The following ZNF385D variants were observed in gnomAD, a reference collection of about 807,000 sequenced individuals.
ZNF385D encodes the protein zinc finger protein 385D, also known as zinc finger protein 659.
In ZNF385D, 15 loss-of-function variants were observed where a neutral mutation model predicts 35.8. The ratio of observed to expected loss-of-function variants is 0.42; its 90% CI spans 0.28 to 0.64. ZNF385D has a LOEUF of 0.64. Among genes scored for constraint, ZNF385D ranks in the 30% least tolerant of loss-of-function variants. ZNF385D has a pLI of 0.23. For missense variants in ZNF385D, 474 were observed against 494.6 expected, an observed-to-expected ratio of 0.96 and a Z score of 0.39; for synonymous variants, 212 against 186.8, an observed-to-expected ratio of 1.13 and a Z score of -1.10.
At chr3:21,766,535 T>C (rs1444751022) in intron 3 of ZNF385D, among the ~76,000 whole-genome samples, 1 of 152,108 alleles carries the variant, frequency 6.6e-6, no homozygotes, top group Non-Finnish European at 1.5e-5. Context: ...TGTCCTTTAT[T>C]TCAATTTCTG....
intron 1 of ZNF385D, among the ~76,000 whole-genome samples, chr3:21,737,241 T>C (rs1415460307): frequency 3.9e-5 from 6 of 152,234 alleles, no homozygotes; most frequent in African/African-American, 7.2e-5. Context: ...GATAGATACA[T>C]GTGTCCATGT....
intron 2 of ZNF385D, among the ~76,000 whole-genome samples, chr3:21,632,052 T>A (rs1321314742): frequency 2.0e-5 from 3 of 152,122 alleles, no homozygotes; most frequent in African/African-American, 7.2e-5. Flanking sequence ...ATTTATTAAA[T>A]TCCAAATGTG....
At chr3:22,227,670 T>C (rs576639385) in intron 2 of ZNF385D, among the ~76,000 whole-genome samples, 19 of 152,246 alleles carry the variant, frequency 1.2e-4, no homozygotes, top group Middle Eastern at 6.8e-3. Context: ...CCGTAAGACA[T>C]GCCCACCAGT....
intron 2 of ZNF385D, among the ~76,000 whole-genome samples, chr3:22,186,972 C>T (rs1469660074): frequency 6.6e-6 from 1 of 151,894 alleles, no homozygotes; most frequent in Non-Finnish European, 1.5e-5. Flanking sequence ...TGTAATTATC[C>T]CCAATTTACA....
chr3:22,086,495 A>T (rs1167243410), intron 3 of ZNF385D, among the ~76,000 whole-genome samples: 7 of 152,192 alleles, frequency 4.6e-5, no homozygotes, highest in Admixed American at 3.3e-4. Context: ...CTTATAAGGG[A>T]TGTGAAGGAC....
chr3:21,611,572 T>C (rs1465207528), intron 2 of ZNF385D, among the ~76,000 whole-genome samples: 1 of 152,210 alleles, frequency 6.6e-6, no homozygotes, highest in Non-Finnish European at 1.5e-5. Flanking sequence ...TTTTTTGTGA[T>C]GGCCAAATGA....
At chr3:21,679,337 A>G (rs2066826941) in intron 1 of ZNF385D, among the ~76,000 whole-genome samples, 3 of 152,068 alleles carry the variant, frequency 2.0e-5, no homozygotes, top group Admixed American at 1.3e-4. Flanking sequence ...TTTTTATTTT[A>G]TTAGCATTAT....
At chr3:21,732,238 C>CA (rs780410806) in intron 1 of ZNF385D, among the ~76,000 whole-genome samples, 5 of 151,150 alleles carry the variant, frequency 3.3e-5, no homozygotes, top group Non-Finnish European at 7.4e-5. Context: ...TTTTAGTAGA[C>CA]ACGGGGTTTC....
At chr3:21,896,962 G>A (rs1205568673) in intron 3 of ZNF385D, among the ~76,000 whole-genome samples, 6 of 152,066 alleles carry the variant, frequency 3.9e-5, no homozygotes, top group Non-Finnish European at 8.8e-5. Flanking sequence ...TTTTCTGATG[G>A]CTGTGTTTGT....
rs895546305 is a variant in ZNF385D at position 21,533,754 on chromosome 3, T to G, written c.277-22731A>C. On this transcript the variant is annotated intron_variant, in intron 3 of 7. Transcript: ENST00000281523. ...AGAATTAATTTATACCATCTATCTA[T>G]ATTTTTAAAAGACTATTTGATGGAC... 4.6e-5 allele frequency among the ~76,000 whole-genome samples: 7 copies of G among 152,148 alleles called. No homozygotes were observed. The South Asian group carries it at 1.3e-3, about 27-fold the overall frequency.
chr3:22,032,588 T>C (rs554082268), intron 3 of ZNF385D, among the ~76,000 whole-genome samples: 1 of 152,266 alleles, frequency 6.6e-6, no homozygotes, highest in South Asian at 2.1e-4. Context: ...TCCTAAGCAG[T>C]GTATAGAACT....
chr3:22,264,843 T>A (rs954920408), intron 2 of ZNF385D, among the ~76,000 whole-genome samples: 1 of 143,184 alleles, frequency 7.0e-6, no homozygotes, highest in Non-Finnish European at 1.6e-5. Context: ...CATTTAGATA[T>A]CTAAAATTCC....
At chr3:21,841,595 T>C (rs1225160579) in intron 3 of ZNF385D, among the ~76,000 whole-genome samples, 1 of 152,002 alleles carries the variant, frequency 6.6e-6, no homozygotes. Flanking sequence ...TCCATTTTTG[T>C]GAATAGCCTG....
rs535930708 is a variant in ZNF385D, at chr3:21,566,555, A to T, written c.166-1871T>A. Reference sequence around the variant, plus strand: ...TGAGGCAGGAGAATCGCTTGAACCCAGATTGCAGTGAGCTGAGATCATGCC... The same window carrying T: ...TGAGGCAGGAGAATCGCTTGAACCCTGATTGCAGTGAGCTGAGATCATGCC... On this transcript the variant is annotated intron_variant, in intron 2 of 7. Coordinates refer to ENST00000281523, the MANE Select transcript of ZNF385D (RefSeq NM_024697.3). Among the ~76,000 whole-genome samples, 18 of 152,174 alleles carry T rather than the reference A, an allele frequency of 1.2e-4. No individual in the cohort carries two copies. The East Asian group carries it at 2.9e-3, about 24-fold the overall frequency.
At chr3:21,841,988 G>A (rs1695712579) in intron 3 of ZNF385D, among the ~76,000 whole-genome samples, 1 of 150,866 alleles carries the variant, frequency 6.6e-6, no homozygotes, top group East Asian at 2.0e-4. Context: ...CTATATAATT[G>A]AAAATGTATT....
At chr3:22,196,208 G>A (rs1040879238) in intron 2 of ZNF385D, among the ~76,000 whole-genome samples, 14 of 152,074 alleles carry the variant, frequency 9.2e-5, no homozygotes, top group South Asian at 2.1e-4. Flanking sequence ...TTTGCTAATC[G>A]AATAGGTGGA....
At chr3:22,224,632 T>C (rs12635688) in intron 2 of ZNF385D, among the ~76,000 whole-genome samples, 27,620 of 152,082 alleles carry the variant, frequency 0.18, 2,635 homozygotes, top group Middle Eastern at 0.24. Context: ...GGAAACACTA[T>C]AGGAAAGGCA....
Position 22,039,956 on chromosome 3 carries a change from G to C in ZNF385D, c.325+128861C>G, listed in dbSNP as rs146539908. 6.4e-4 allele frequency among the ~76,000 whole-genome samples: 97 copies of C among 152,240 alleles called. 4 individuals carry two copies. In the East Asian group the frequency reaches 0.017, roughly 27 times the overall value. ...TTGGATGTAGCCATTACGATACCTA[G>C]CAGGAGATCAGAAACAAGGAGGATC... On this transcript the variant is annotated intron_variant, in intron 3 of 5. Coordinates refer to the ZNF385D transcript ENST00000494108.
intron 3 of ZNF385D, among the ~76,000 whole-genome samples, chr3:21,954,434 G>A (rs1250643529): frequency 6.6e-6 from 1 of 151,854 alleles, no homozygotes; most frequent in African/African-American, 2.4e-5. Flanking sequence ...GGCTCACAAG[G>A]ATCTAAGGAG....
Sources: gnomAD v4.1 joint callset for allele counts (sites outside exome capture counted in the v4.1 genomes callset) on GRCh38, gnomAD v4.1.1 for gene constraint, MANE v1.5 for transcripts, NCBI Gene and HGNC (gene_info 2026-07-23, HGNC 2026-07-21) for gene names.